TTC6: variants seen among roughly 807,000 people sequenced by gnomAD.
TTC6 encodes tetratricopeptide repeat domain 6.
In TTC6, 172 loss-of-function variants were observed where a neutral mutation model predicts 210.4. The observed-to-expected ratio is 0.82, with a 90% CI of 0.72 to 0.93. The LOEUF (loss-of-function observed/expected upper bound fraction) is 0.93, where lower values mean the gene tolerates loss of function less well. Ranked by LOEUF, TTC6 falls within the 40% of genes least tolerant of loss-of-function variation. The pLI, the probability that TTC6 is intolerant of heterozygous loss-of-function variation, is 0.00. For missense variants in TTC6, 2,414 were observed against 2,318.1 expected, an observed-to-expected ratio of 1.04 and a Z score of -0.85; for synonymous variants, 804 against 819.6, an observed-to-expected ratio of 0.98 and a Z score of 0.32.
intron 4 of TTC6, among the ~76,000 whole-genome samples, chr14:37,697,481 TTTAACTC>T (rs2095817057): frequency 1.3e-5 from 2 of 152,158 alleles, no homozygotes; most frequent in South Asian, 4.1e-4. Flanking sequence ...TTCTTCTTCA[TTTAACTC>T]TTAATGGGGG....
intron 14 of TTC6, among the ~76,000 whole-genome samples, chr14:37,757,218 T>G (rs2095970705): frequency 6.6e-6 from 1 of 151,990 alleles, no homozygotes; most frequent in Non-Finnish European, 1.5e-5. Context: ...TTATTGTGTC[T>G]ATTTGATTCT....
chr14:37,816,622 T>C (rs2096142524), intron 25 of TTC6, among the ~76,000 whole-genome samples: 1 of 152,156 alleles, frequency 6.6e-6, no homozygotes, highest in African/African-American at 2.4e-5. Flanking sequence ...TTTTCATTCC[T>C]TCATAGATTC....
At chr14:37,620,652 C>A (rs550341237), upstream of TTC6, among the ~76,000 whole-genome samples, 3 of 152,148 alleles carry the variant, frequency 2.0e-5, no homozygotes, top group Non-Finnish European at 4.4e-5. Flanking sequence ...TGCTGAATAA[C>A]AGAATTTTTT....
At chr14:37,817,483 G>T (rs1846985845) in intron 25 of TTC6, 95 bp from the exon 28 acceptor site, 9 of 1,023,420 alleles carry the variant, frequency 8.8e-6, no homozygotes, top group Non-Finnish European at 1.3e-5. Context: ...ATATCTTAAT[G>T]CTTGTGTCAT....
intron 25 of TTC6, among the ~76,000 whole-genome samples, chr14:37,813,775 G>A (rs936101179): frequency 3.9e-5 from 6 of 152,098 alleles, no homozygotes; most frequent in Admixed American, 2.0e-4. Flanking sequence ...GATGGTCTAG[G>A]GAGAGTCATT....
chr14:37,630,662 C>T (rs1235046277), intron 1 of TTC6, among the ~76,000 whole-genome samples: 2 of 151,982 alleles, frequency 1.3e-5, no homozygotes, highest in Non-Finnish European at 2.9e-5. Flanking sequence ...GTTGATGTGT[C>T]TAATATTGAC....
At chr14:37,657,320 A>T (rs1243846158) in intron 1 of TTC6, among the ~76,000 whole-genome samples, 1 of 150,928 alleles carries the variant, frequency 6.6e-6, no homozygotes, top group East Asian at 1.9e-4. Flanking sequence ...AGTTTTCAAA[A>T]GGTGTGGAAG....
chr14:37,789,750 T>G (rs1272719552), intron 15 of TTC6, among the ~76,000 whole-genome samples: 1 of 151,770 alleles, frequency 6.6e-6, no homozygotes, highest in East Asian at 1.9e-4. Context: ...CCCCTAATAA[T>G]GCATTTCTCA....
chr14:37,632,929 C>CA (rs1211872816), intron 1 of TTC6, among the ~76,000 whole-genome samples: 1 of 152,216 alleles, frequency 6.6e-6, no homozygotes, highest in Non-Finnish European at 1.5e-5. Flanking sequence ...AACTCCTACT[C>CA]AATCAGTGCC....
chr14:37,640,629 G>C (rs1409072906), intron 1 of TTC6, among the ~76,000 whole-genome samples: 1 of 152,080 alleles, frequency 6.6e-6, no homozygotes, highest in African/African-American at 2.4e-5. Flanking sequence ...TGCAACCTCA[G>C]CCTCCTGGGT....
chr14:37,785,488 C>T (rs2096065419), intron 14 of TTC6, among the ~76,000 whole-genome samples: 1 of 152,184 alleles, frequency 6.6e-6, no homozygotes, highest in South Asian at 2.1e-4. Context: ...AAGGTCTTCT[C>T]TATGCTGTTT....
At chr14:37,793,353 C>G (rs946610005) in intron 17 of TTC6, among the ~76,000 whole-genome samples, 1 of 152,092 alleles carries the variant, frequency 6.6e-6, no homozygotes, top group South Asian at 2.1e-4. Context: ...GGTAAAAAAA[C>G]AAAAAAACAA....
At chr14:37,686,502 A>G (rs572316458) in intron 3 of TTC6, among the ~76,000 whole-genome samples, 38 of 152,214 alleles carry the variant, frequency 2.5e-4, no homozygotes, top group Non-Finnish European at 5.3e-4. Flanking sequence ...GTCCAATTCA[A>G]TAAATTTCCT....
intron 1 of TTC6, among the ~76,000 whole-genome samples, chr14:37,599,213 C>G (rs551113795): frequency 7.9e-5 from 12 of 152,350 alleles, no homozygotes; most frequent in East Asian, 1.9e-4. Flanking sequence ...GGCCAGGGTT[C>G]GAACTCCGTT....
intron 1 of TTC6, among the ~76,000 whole-genome samples, chr14:37,638,995 T>A (rs1299328827): frequency 6.6e-6 from 1 of 152,222 alleles, no homozygotes; most frequent in East Asian, 1.9e-4. Context: ...AATGTGTGTG[T>A]ACATACATAC....
exon 1 of TTC6, chr14:37,622,605 T>G (rs1354435899): frequency 2.6e-6 from 4 of 1,534,522 alleles, no homozygotes; most frequent in Non-Finnish European, 3.5e-6. Flanking sequence ...GGTCTTCCAC[T>G]TGGGAAGGGA....
intron 14 of TTC6, among the ~76,000 whole-genome samples, chr14:37,760,978 G>A (rs1350978825): frequency 2.0e-5 from 3 of 152,182 alleles, no homozygotes; most frequent in African/African-American, 7.2e-5. Context: ...CACTGAGTGA[G>A]ACAACTTGGC....
intron 3 of TTC6, among the ~76,000 whole-genome samples, chr14:37,686,935 C>A (rs1041041997): frequency 4.6e-5 from 7 of 152,044 alleles, no homozygotes; most frequent in East Asian, 1.9e-4. Flanking sequence ...TAGATAGCAT[C>A]AAAAATTCTA....
intron 26 of TTC6, among the ~76,000 whole-genome samples, chr14:37,818,242 A>G (rs1841415986): frequency 6.6e-6 from 1 of 152,306 alleles, no homozygotes; most frequent in South Asian, 2.1e-4. Context: ...AAACACTTAC[A>G]TAAGGTTAAA....
Sources: allele counts gnomAD v4.1 joint callset (sites outside exome capture counted in the v4.1 genomes callset), GRCh38; gene constraint gnomAD v4.1.1; transcripts MANE v1.5; gene names NCBI Gene and HGNC (gene_info 2026-07-23, HGNC 2026-07-21).